Variants in PDCD11 observed in about 807,000 individuals in gnomAD.
The protein encoded by PDCD11 is programmed cell death 11.
PDCD11 carries 97 observed loss-of-function variants against 198.9 expected under a neutral mutation model. The observed-to-expected ratio is 0.49, with a 90% CI of 0.41 to 0.58. The LOEUF is 0.58. Among genes scored for constraint, PDCD11 ranks in the 20% least tolerant of loss-of-function variants. The pLI, the probability that PDCD11 is intolerant of heterozygous loss-of-function variation, is 0.00. For synonymous variants in PDCD11, 893 were observed against 918.0 expected, an observed-to-expected ratio of 0.97 and a Z score of 0.49; for missense variants, 2,102 against 2,312.7, an observed-to-expected ratio of 0.91 and a Z score of 1.87.
rs745320867 is a variant in PDCD11, at chr10:103,425,117, A to G, written c.2897A>G (p.Asp966Gly). Residue 966 changes from aspartate to glycine, a missense_variant, in exon 20 of 36, where the codon GAC becomes GGC. Physicochemically the swap from Asp to Gly is moderately conservative, Grantham distance 94. Transcript: ENST00000369797. ...TSHLNDTFRF[D>G]SEKLQVGQGV... ...CACCTCAACGACACCTTCCGCTTTG[A>G]CTCAGAGAAATTGCAGGTGGGACAG... The G allele has an allele frequency of 6.2e-7, 1 of 1,614,102 alleles. No homozygotes were observed. The highest frequency in any genetic ancestry group is 1.7e-5 in the Admixed American group (1 of 60,008).
chr10:103,403,261 G>A lies in PDCD11; in HGVS notation c.378G>A (p.Gln126=), dbSNP rs2030227425. 2.5e-6 allele frequency: 4 copies of A among 1,614,104 alleles called. No homozygotes were observed. Among genetic ancestry groups the A allele is most frequent in the Non-Finnish European group, 3.4e-6 (4 of 1,179,978 alleles). Residue 126 remains glutamine, a synonymous_variant, in exon 4 of 36, where the codon CAG becomes CAA. Transcript: ENST00000369797. ...CDAYTKKLNE[Q]VTQEQPLKDL... ...CCTACACCAAAAAGCTGAATGAGCA[G>A]GTGACACAAGAACAACCTCTGAAGG...
intron 2 of PDCD11, among the ~76,000 whole-genome samples, chr10:103,398,905 T>C (rs540388497): frequency 6.6e-6 from 1 of 152,202 alleles, no homozygotes; most frequent in African/African-American, 2.4e-5. Flanking sequence ...TCCTAGCTAC[T>C]TGGGAGGCTG....
At chr10:103,419,424 C>A in intron 15 of PDCD11, 114 bp from the exon 16 acceptor site, 1 of 1,160,410 alleles carries the variant, frequency 8.6e-7, no homozygotes, top group Non-Finnish European at 1.2e-6. Context: ...TAGAGAATCG[C>A]TGTAGCAGCA....
At chr10:103,403,704 G>C (rs2030259672) in intron 4 of PDCD11, among the ~76,000 whole-genome samples, 1 of 152,146 alleles carries the variant, frequency 6.6e-6, no homozygotes, top group African/African-American at 2.4e-5. Flanking sequence ...TTCTCACTGG[G>C]GTACAGCATA....
At chr10:103,417,765 G>C (rs996042288) in intron 13 of PDCD11, 27 bp from the exon 14 acceptor site, 4 of 1,610,832 alleles carry the variant, frequency 2.5e-6, no homozygotes, top group Non-Finnish European at 3.4e-6. Flanking sequence ...GGGAGGAGTT[G>C]GCCAAGCCTG....
intron 5 of PDCD11, 65 bp from the exon 6 acceptor site, chr10:103,405,920 G>A: frequency 6.4e-7 from 1 of 1,559,354 alleles, no homozygotes; most frequent in South Asian, 1.2e-5. Flanking sequence ...ATTCAAGTTT[G>A]GATGTTTTGT....
chr10:103,431,092 A>G (rs1246118811), intron 21 of PDCD11, among the ~76,000 whole-genome samples: 3 of 152,030 alleles, frequency 2.0e-5, no homozygotes, highest in Admixed American at 1.3e-4. Flanking sequence ...TTTACTAGAT[A>G]GGAAAGTTCC....
chr10:103,443,140 CAT>C (rs774363066), intron 32 of PDCD11, 23 bp from the exon 33 acceptor site: 4 of 1,550,150 alleles, frequency 2.6e-6, no homozygotes, highest in Non-Finnish European at 3.5e-6. Context: ...ATGTGGCGCT[CAT>C]GTGCTGACTG....
At chr10:103,400,226 C>CCT (rs367984363) in intron 2 of PDCD11, among the ~76,000 whole-genome samples, 171 bp from the exon 3 acceptor site, 23 of 135,408 alleles carry the variant, frequency 1.7e-4, no homozygotes, top group South Asian at 2.5e-4. Context: ...GGCCCCCCCC[C>CCT]TTTTTTTTTT....
intron 7 of PDCD11, 129 bp downstream of exon 7, chr10:103,406,919 A>G: frequency 4.5e-6 from 3 of 660,522 alleles, no homozygotes; most frequent in Non-Finnish European, 7.4e-6. Context: ...GAGCATTTCA[A>G]ATGTGGCCAG....
chr10:103,423,971 C>T (rs957137369), intron 19 of PDCD11, among the ~76,000 whole-genome samples: 6 of 152,146 alleles, frequency 3.9e-5, no homozygotes, highest in African/African-American at 1.4e-4. Context: ...GAGTGCATGC[C>T]CAGCCCCTGT....
rs1342131565 is a variant in PDCD11 at position 103,398,446 on chromosome 10, G to C, written c.20G>C (p.Ser7Thr). 6.2e-7 allele frequency: 1 copy of C among 1,613,738 alleles called. No individual in the cohort carries two copies. Among genetic ancestry groups the C allele is most frequent in the East Asian group, 2.2e-5 (1 of 44,888 alleles). Residue 7 changes from serine to threonine, a missense_variant, in exon 2 of 36, where the codon AGC becomes ACC. Ser to Thr is a moderately conservative substitution (Grantham distance 58, BLOSUM62 1). Transcript: ENST00000369797. Reference sequence around the variant, plus strand: ...CCAAACATGGCAAACCTGGAAGAAAGCTTCCCCCGAGGAGGTACAAGAAAG... The same window carrying C: ...CCAAACATGGCAAACCTGGAAGAAACCTTCCCCCGAGGAGGTACAAGAAAG... MANLEE[S>T]FPRGGTRKIH...
chr10:103,433,947 G>A lies in PDCD11; in HGVS notation c.3475-1G>A. 1 of 1,611,614 alleles carries A rather than the reference G, an allele frequency of 6.2e-7. No individual in the cohort carries two copies. The highest frequency in any genetic ancestry group is 8.5e-7 in the Non-Finnish European group (1 of 1,177,866). On this transcript the variant is annotated splice_acceptor_variant, in intron 22 of 35. Coordinates refer to ENST00000369797, the MANE Select transcript of PDCD11 (RefSeq NM_014976.2). LOFTEE classifies it high-confidence loss of function. ...TACTCTGGTTCCTTTTTTTCCCTCA[G>A]TACAATGTGGTGAAGAAATGGCTTG...
Position 103,419,445 on chromosome 10 carries a change from T to C in PDCD11, c.2107-93T>C, listed in dbSNP as rs1481150659. Reference sequence around the variant, plus strand: ...ATCGCTGTAGCAGCAGAGATCAGCCTGCAGTTCTGTCCTTCTCTGTGGAGA... The same window carrying C: ...ATCGCTGTAGCAGCAGAGATCAGCCCGCAGTTCTGTCCTTCTCTGTGGAGA... On this transcript the variant is annotated intron_variant, in intron 15 of 35. Transcript: ENST00000369797. 1.0e-5 allele frequency: 14 copies of C among 1,356,374 alleles called. No homozygotes were observed. In the East Asian group the frequency reaches 2.8e-4, roughly 27 times the overall value. The allele number at this position is 1,356,374 out of a possible 1,614,324, so 84.0% of individuals were successfully genotyped here.
rs1157209939 is a variant in PDCD11 at position 103,405,102 on chromosome 10, G to A, written c.483G>A (p.Arg161=). The stretch of plus-strand genomic sequence containing the variant: ...TGAGCAGTCTGGGCATCACAGACAG[G>A]GGCAAGAAGAGTGTCAAGCTGTCTC... ...CVVSSLGITD[R]GKKSVKLSLN... Residue 161 remains arginine, a synonymous_variant, in exon 5 of 36, where the codon AGG becomes AGA. Transcript: ENST00000369797. 2.5e-6 allele frequency: 4 copies of A among 1,614,118 alleles called. No individual in the cohort carries two copies. Among genetic ancestry groups the A allele is most frequent in the Non-Finnish European group, 3.4e-6 (4 of 1,179,990 alleles).
chr10:103,433,830 T>C, intron 22 of PDCD11, 118 bp from the exon 23 acceptor site: 1 of 741,212 alleles, frequency 1.3e-6, no homozygotes, highest in African/African-American at 1.7e-5. Context: ...AAGGGTGGAT[T>C]CCTGTCTCTT....
chr10:103,434,845 A>G lies in PDCD11; in HGVS notation c.3715A>G (p.Lys1239Glu). 1 of 1,612,486 alleles carries G rather than the reference A, an allele frequency of 6.2e-7. No homozygotes were observed. The highest frequency in any genetic ancestry group is 1.3e-5 in the African/African-American group (1 of 74,848). Residue 1239 changes from lysine (K) to glutamate (E), a missense_variant, in exon 25 of 36, where the codon AAG becomes GAG. By Grantham distance (56) the Lys-to-Glu change is moderately conservative. Transcript: ENST00000369797. ...GGAAGTGGCCATGGGCCGAGTGGTG[A>G]AGGTGACTCCCAACGAGGGGCTGAC... ...EGEVAMGRVVKVTPNEGLTVS... is the reference protein window; with the variant it reads ...EGEVAMGRVVEVTPNEGLTVS...
In PDCD11 at chr10:103,414,350, A is replaced by C. The variant is rs2030982157; in HGVS notation, c.1371+20A>C. On this transcript the variant is annotated intron_variant, in intron 11 of 35. Transcript: ENST00000369797. ...GTAAAGGTAAGACCTCAAGCATATA[A>C]TTAGGTACTGCCTCACCATCAGGCG... 1.3e-6 allele frequency: 2 copies of C among 1,583,110 alleles called. No homozygotes were observed. Among genetic ancestry groups the C allele is most frequent in the African/African-American group, 2.7e-5 (2 of 74,304 alleles).
In PDCD11 at chr10:103,409,592, T is replaced by G. The variant is rs949707537; in HGVS notation, c.871-107T>G. 5 of 727,458 alleles carry G rather than the reference T, an allele frequency of 6.9e-6. No homozygotes were observed. The East Asian group carries it at 1.3e-4, about 18-fold the overall frequency. The allele number at this position is 727,458 out of a possible 1,614,324, so 45.1% of individuals were successfully genotyped here. A position where few individuals can be genotyped will look rare whatever the true frequency, so the allele number is the denominator to read the frequency against. On this transcript the variant is annotated intron_variant, in intron 7 of 35. Coordinates refer to ENST00000369797, the MANE Select transcript of PDCD11 (RefSeq NM_014976.2). Reference sequence around the variant, plus strand: ...TAAGAGTTACCTGGGAGAGGAGAGATACACAGTTAGGGATACTATGGCATT... The same window carrying G: ...TAAGAGTTACCTGGGAGAGGAGAGAGACACAGTTAGGGATACTATGGCATT...
Sources: gnomAD v4.1 joint callset for allele counts (sites outside exome capture counted in the v4.1 genomes callset) on GRCh38, gnomAD v4.1.1 for gene constraint, MANE v1.5 for transcripts, NCBI Gene and HGNC (gene_info 2026-07-23, HGNC 2026-07-21) for gene names.